The following WNK3 variants were observed in gnomAD, a reference collection of about 807,000 sequenced individuals.
WNK3 encodes the protein serine/threonine-protein kinase WNK3.
In WNK3, 18 loss-of-function variants were observed where a neutral mutation model predicts 116.7. The observed-to-expected ratio is 0.15, with a 90% CI of 0.11 to 0.23. The LOEUF is 0.23. Among genes scored for constraint, WNK3 ranks in the 10% least tolerant of loss-of-function variants. The pLI, the probability that WNK3 is intolerant of heterozygous loss-of-function variation, is 1.00. For synonymous variants in WNK3, 404 were observed against 469.4 expected (o/e 0.86, Z 1.80); for missense variants, 993 against 1,323.8 (o/e 0.75, Z 3.88).
intron 2 of WNK3, among the ~76,000 whole-genome samples, chrX:54,328,459 A>C (rs1260871312): frequency 9.6e-6 from 1 of 103,956 alleles, no homozygotes. Flanking sequence ...AAAATATTTC[A>C]AAAAAAAAAA....
intron 2 of WNK3, among the ~76,000 whole-genome samples, chrX:54,315,963 T>G (rs1197810269): frequency 9.0e-6 from 1 of 111,253 alleles, no homozygotes; most frequent in Non-Finnish European, 1.9e-5. Context: ...TCTCTCCTAC[T>G]CTGCAGACTA....
At chrX:54,270,399 CT>C (rs781794140) in intron 10 of WNK3, among the ~76,000 whole-genome samples, 3,092 of 92,694 alleles carry the variant, frequency 0.033, 45 homozygotes, top group African/African-American at 0.037. Context: ...CGCCCGGCCT[CT>C]TTTTTTTTTT....
intron 10 of WNK3, among the ~76,000 whole-genome samples, chrX:54,268,765 A>G (rs1340084977): frequency 9.0e-6 from 1 of 111,237 alleles, no homozygotes; most frequent in African/African-American, 3.3e-5. Context: ...AGTAAATAAA[A>G]TAAGGTCCCC....
At chrX:54,264,012 T>C (rs1386444566) in intron 10 of WNK3, among the ~76,000 whole-genome samples, 2 of 106,571 alleles carry the variant, frequency 1.9e-5, no homozygotes. Context: ...ACTACAGGCA[T>C]GTGCCACCAC....
At chrX:54,354,106 C>T (rs782052301) in intron 1 of WNK3, among the ~76,000 whole-genome samples, 46 of 110,093 alleles carry the variant, frequency 4.2e-4, no homozygotes, top group African/African-American at 1.5e-3. Context: ...AAAAGATTCA[C>T]GAGAAAAATA....
chrX:54,338,420 T>TA lies in WNK3; in HGVS notation c.-119-4629dup, dbSNP rs578200691. ...CTGGGCGACAGAGCAAGAACCTGTT[T>TA]AAAAAAAAAAAAAATACTTAGCCAG... On this transcript the variant is annotated intron_variant, in intron 1 of 23. Coordinates refer to ENST00000354646, the Ensembl canonical transcript of WNK3. Among the ~76,000 whole-genome samples, 133 of 97,657 alleles carry TA rather than the reference T, an allele frequency of 1.4e-3. 1 individual carries two copies. The Middle Eastern group carries it at 0.026, about 19-fold the overall frequency. 84.8% of individuals were successfully genotyped at this position (97,657 alleles called of 115,157 possible).
At chrX:54,196,481 A>AT (rs1557140164) in exon 24 of WNK3, 2 of 105,765 alleles carry the variant, frequency 1.9e-5, no homozygotes, top group African/African-American at 6.9e-5. Flanking sequence ...AAGTACACCC[A>AT]TTAAGTTTTC....
At chrX:54,350,990 A>G (rs1381713791) in intron 1 of WNK3, among the ~76,000 whole-genome samples, 1 of 110,241 alleles carries the variant, frequency 9.1e-6, no homozygotes, top group Non-Finnish European at 1.9e-5. Flanking sequence ...TCTACATACT[A>G]TTTGTGTTAA....
chrX:54,193,470 G>C (rs1345591383), exon 24 of WNK3: 3 of 111,265 alleles, frequency 2.7e-5, no homozygotes, highest in Admixed American at 1.9e-4. Flanking sequence ...TCAGAACCCA[G>C]TTTCTCTCTT....
chrX:54,300,282 G>A (rs2068744423), intron 6 of WNK3, among the ~76,000 whole-genome samples: 3 of 110,701 alleles, frequency 2.7e-5, no homozygotes, highest in African/African-American at 9.8e-5. Context: ...CCTCCCCAGG[G>A]GCTGGGACTA....
At chrX:54,304,815 A>G (rs1251889946) in intron 5 of WNK3, among the ~76,000 whole-genome samples, 2 of 111,025 alleles carry the variant, frequency 1.8e-5, no homozygotes, top group Non-Finnish European at 1.9e-5. Context: ...CTAAATTATA[A>G]AAGTTTACAA....
At chrX:54,277,471 G>A (rs2068463636) in intron 10 of WNK3, among the ~76,000 whole-genome samples, 2 of 108,594 alleles carry the variant, frequency 1.8e-5, no homozygotes, top group South Asian at 4.1e-4. Context: ...CCGAGTAGCT[G>A]GGACTACAGG....
chrX:54,278,731 T>C (rs1215820775), intron 10 of WNK3, among the ~76,000 whole-genome samples: 3 of 111,604 alleles, frequency 2.7e-5, no homozygotes, highest in South Asian at 3.7e-4. Flanking sequence ...CTCAAAACCA[T>C]ATACAAGATT....
intron 8 of WNK3, among the ~76,000 whole-genome samples, chrX:54,293,659 A>G (rs1447753936): frequency 8.9e-6 from 1 of 112,016 alleles, no homozygotes; most frequent in African/African-American, 3.2e-5. Flanking sequence ...AGTAAAATAT[A>G]TCATATTCTC....
chrX:54,355,023 G>A (rs1557179168), intron 1 of WNK3, among the ~76,000 whole-genome samples: 1 of 111,261 alleles, frequency 9.0e-6, no homozygotes, highest in African/African-American at 3.3e-5. Context: ...GGCGGAGGTT[G>A]CAGTAAGCCA....
At chrX:54,308,181 C>G (rs2068846925) in intron 4 of WNK3, 102 bp from the exon 5 acceptor site, 2 of 758,097 alleles carry the variant, frequency 2.6e-6, no homozygotes, top group Middle Eastern at 3.3e-4. Flanking sequence ...AATTTCTACT[C>G]CCCCAAAGCA....
At chrX:54,278,626 A>G (rs2068477758) in intron 10 of WNK3, among the ~76,000 whole-genome samples, 1 of 111,337 alleles carries the variant, frequency 9.0e-6, no homozygotes, top group African/African-American at 3.3e-5. Context: ...TATAAAAGCA[A>G]TTGAATGGAA....
intron 17 of WNK3, among the ~76,000 whole-genome samples, chrX:54,243,197 C>T (rs887982162): frequency 9.4e-6 from 1 of 106,726 alleles, no homozygotes; most frequent in Non-Finnish European, 1.9e-5. Flanking sequence ...GGGCGGATCA[C>T]GAGGTCAGGA....
At chrX:54,218,740 C>T (rs2067727977) in intron 22 of WNK3, among the ~76,000 whole-genome samples, 1 of 109,337 alleles carries the variant, frequency 9.1e-6, no homozygotes, top group Non-Finnish European at 1.9e-5. Flanking sequence ...AAAAATTAGC[C>T]GGGTGTGGTG....
Sources: allele counts gnomAD v4.1 joint callset (sites outside exome capture counted in the v4.1 genomes callset), GRCh38; gene constraint gnomAD v4.1.1; transcripts MANE v1.5; gene names NCBI Gene and HGNC (gene_info 2026-07-23, HGNC 2026-07-21).